The following DNAH17 variants were observed in gnomAD, a reference collection of about 807,000 sequenced individuals.
The protein encoded by DNAH17 is axonemal beta dynein heavy chain 17.
Under a neutral mutation model 485.6 loss-of-function variants are expected in DNAH17, and 376 were observed. The ratio of observed to expected loss-of-function variants is 0.77; its 90% CI spans 0.71 to 0.84. DNAH17 has a LOEUF of 0.84. Ranked by LOEUF, DNAH17 falls within the 40% of genes least tolerant of loss-of-function variation. The pLI is 0.00. For missense variants in DNAH17, 6,370 were observed against 5,839.3 expected, an observed-to-expected ratio of 1.09 and a Z score of -2.96; for synonymous variants, 3,031 against 2,405.9, an observed-to-expected ratio of 1.26 and a Z score of -7.60.
At chr17:78,488,869 G>A (rs2089727385) in intron 44 of DNAH17, among the ~76,000 whole-genome samples, 1 of 152,072 alleles carries the variant, frequency 6.6e-6, no homozygotes, top group Admixed American at 6.5e-5. Flanking sequence ...CATAAGCCAA[G>A]GGATGCCAAG....
chr17:78,492,240 C>A (rs2089893445), intron 42 of DNAH17, among the ~76,000 whole-genome samples: 1 of 152,144 alleles, frequency 6.6e-6, no homozygotes, highest in South Asian at 2.1e-4. Context: ...CCCAGTGACG[C>A]CACCTCCTGG....
intron 11 of DNAH17, among the ~76,000 whole-genome samples, chr17:78,563,201 T>C (rs905594688): frequency 1.3e-5 from 2 of 152,214 alleles, no homozygotes; most frequent in African/African-American, 4.8e-5. Context: ...ACCCAAATTC[T>C]GATTTCTCCT....
intron 43 of DNAH17, 28 bp from the exon 44 acceptor site, chr17:78,490,875 T>C: frequency 6.4e-7 from 1 of 1,563,180 alleles, no homozygotes; most frequent in Non-Finnish European, 8.7e-7. Flanking sequence ...GCCCGTGGGG[T>C]CCTAAGGCGA....
At chr17:78,562,929 AAG>A (rs1040949289) in intron 11 of DNAH17, among the ~76,000 whole-genome samples, 4 of 152,176 alleles carry the variant, frequency 2.6e-5, no homozygotes, top group African/African-American at 7.2e-5. Context: ...TGGGAAATCC[AAG>A]AGAGTTTCCC....
intron 19 of DNAH17, chr17:78,532,958 G>A: frequency 2.0e-6 from 1 of 511,460 alleles, no homozygotes; most frequent in Non-Finnish European, 3.5e-6. Context: ...AAACTTAGTG[G>A]ATAGCACACT....
At chr17:78,488,567 T>G (rs1449827163) in intron 44 of DNAH17, among the ~76,000 whole-genome samples, 1 of 152,012 alleles carries the variant, frequency 6.6e-6, no homozygotes, top group Non-Finnish European at 1.5e-5. Context: ...CTACCCAGGC[T>G]TCATTTCAGT....
At chr17:78,516,957 A>G (rs2090802495) in intron 25 of DNAH17, among the ~76,000 whole-genome samples, 1 of 152,254 alleles carries the variant, frequency 6.6e-6, no homozygotes, top group Admixed American at 6.5e-5. Context: ...TACTGCCAAG[A>G]GATTAATTTT....
chr17:78,498,671 C>A (rs1300628279), intron 37 of DNAH17, among the ~76,000 whole-genome samples: 1 of 152,238 alleles, frequency 6.6e-6, no homozygotes, highest in Non-Finnish European at 1.5e-5. Context: ...TTCTTTCCTG[C>A]CATTCCCTTT....
At position 78,530,516 on chromosome 17, in the gene DNAH17, G is replaced by A. The variant is rs1388634622; in HGVS notation, c.3115-4C>T. On this transcript the variant is annotated splice_region_variant and splice_polypyrimidine_tract_variant and intron_variant, in intron 20 of 80. Transcript: ENST00000389840. ...ACAGCTTCTCGTAGGAGTCGATCTG[G>A]AAAACACGGCCACCGGCGGCCTGTC... The A allele has an allele frequency of 1.2e-6, 2 of 1,600,464 alleles. No homozygotes were observed. Among genetic ancestry groups the A allele is most frequent in the African/African-American group, 1.3e-5 (1 of 74,724 alleles).
intron 26 of DNAH17, among the ~76,000 whole-genome samples, chr17:78,514,261 C>T (rs2090715171): frequency 1.3e-5 from 2 of 152,052 alleles, no homozygotes; most frequent in East Asian, 3.9e-4. Flanking sequence ...AATGCCAGCA[C>T]TTTGGGAGGC....
chr17:78,544,525 G>T (rs970301859), intron 16 of DNAH17, among the ~76,000 whole-genome samples: 1 of 151,520 alleles, frequency 6.6e-6, no homozygotes, highest in East Asian at 2.0e-4. Flanking sequence ...CCACTTGGCC[G>T]GGCGCGGTGG....
chr17:78,499,273 T>G, intron 36 of DNAH17, 161 bp from the exon 37 acceptor site: 1 of 528,630 alleles, frequency 1.9e-6, no homozygotes, highest in Non-Finnish European at 3.3e-6. Context: ...GCAGGTCAGC[T>G]TACTGCCCAG....
At chr17:78,537,865 G>T (rs773684003) in intron 18 of DNAH17, among the ~76,000 whole-genome samples, 1 of 152,174 alleles carries the variant, frequency 6.6e-6, no homozygotes, top group African/African-American at 2.4e-5. Flanking sequence ...TTGGCTAGGC[G>T]CAGTGGCTCA....
At position 78,460,321 on chromosome 17, in the gene DNAH17, C is replaced by CGTGCATGTATGTGCATGTGT. The variant is rs1555659290; in HGVS notation, c.9340-65_9340-64insACACATGCACATACATGCAC. ...GTCCATGTGCCTGTGGGGGCGTGTACGTGCATGTGTGTGCATGTGTGTGCA... is the reference window on the plus strand; with the variant it reads ...GTCCATGTGCCTGTGGGGGCGTGTACGTGCATGTATGTGCATGTGTGTGCATGTGTGTGCATGTGTGTGCA... On this transcript the variant is annotated intron_variant, in intron 58 of 80. Coordinates refer to ENST00000389840, the MANE Select transcript of DNAH17 (RefSeq NM_173628.4). 2.6e-5 allele frequency: 23 copies of CGTGCATGTATGTGCATGTGT among 872,438 alleles called. No homozygotes were observed. The Admixed American group carries it at 2.8e-4, about 11-fold the overall frequency. The allele number at this position is 872,438 out of a possible 1,614,324, so 54.0% of individuals were successfully genotyped here. A position where few individuals can be genotyped will look rare whatever the true frequency, so the allele number is the denominator to read the frequency against.
chr17:78,453,527 G>T (rs1242038176), intron 64 of DNAH17, 62 bp from the exon 65 acceptor site: 3 of 1,592,272 alleles, frequency 1.9e-6, no homozygotes, highest in South Asian at 1.1e-5. Flanking sequence ...CGGTGCGCAC[G>T]CTCCGACCAG....
chr17:78,568,590 T>C (rs771515738), intron 9 of DNAH17, among the ~76,000 whole-genome samples: 1 of 152,122 alleles, frequency 6.6e-6, no homozygotes, highest in East Asian at 1.9e-4. Flanking sequence ...AAAACCGCCT[T>C]GAAGCTTTTT....
At chr17:78,459,354 A>AC (rs2087976104) in intron 60 of DNAH17, 146 bp from the exon 61 acceptor site, 3 of 770,252 alleles carry the variant, frequency 3.9e-6, no homozygotes, top group Admixed American at 2.1e-5. Context: ...CCTAGAGGCC[A>AC]CCCCCCACCG....
At position 78,459,310 on chromosome 17, in the gene DNAH17, G is replaced by C; in HGVS notation, c.9654-102C>G. 2.7e-6 allele frequency: 3 copies of C among 1,131,132 alleles called. No individual in the cohort carries two copies. In the South Asian group the frequency reaches 3.9e-5, roughly 15 times the overall value. The allele number at this position is 1,131,132 out of a possible 1,614,324, so 70.1% of individuals were successfully genotyped here. On this transcript the variant is annotated intron_variant, in intron 60 of 80. Coordinates refer to ENST00000389840, the MANE Select transcript of DNAH17 (RefSeq NM_173628.4). ...TTGCCCAGGGTGGCACAGCTCTGGA[G>C]GGGCAGCGCTGGGATTCACACAGTC...
At chr17:78,570,882 A>AAAT in intron 6 of DNAH17, 66 bp downstream of exon 6, 1 of 709,722 alleles carries the variant, frequency 1.4e-6, no homozygotes, top group Non-Finnish European at 2.0e-6. Flanking sequence ...AAAAAAAGAA[A>AAAT]AAAGAAAAGA....
Sources: gnomAD v4.1 joint callset for allele counts (sites outside exome capture counted in the v4.1 genomes callset) on GRCh38, gnomAD v4.1.1 for gene constraint, MANE v1.5 for transcripts, NCBI Gene and HGNC (gene_info 2026-07-23, HGNC 2026-07-21) for gene names.